PLPP4: variants seen among roughly 807,000 people sequenced by gnomAD.
The protein encoded by PLPP4 is diacylglycerol pyrophosphate like 2.
Under a neutral mutation model 32.2 loss-of-function variants are expected in PLPP4, and 20 were observed. The ratio of observed to expected loss-of-function variants is 0.62; its 90% CI spans 0.44 to 0.90. The LOEUF (loss-of-function observed/expected upper bound fraction) is 0.90. Ranked by LOEUF, PLPP4 falls within the 40% of genes least tolerant of loss-of-function variation. The probability of loss-of-function intolerance (pLI) is 0.00; values close to 1 mark genes in which losing one functional copy is unlikely to be tolerated. For synonymous variants in PLPP4, 127 were observed against 133.0 expected, an observed-to-expected ratio of 0.95 and a Z score of 0.31; for missense variants, 257 against 353.1, an observed-to-expected ratio of 0.73 and a Z score of 2.18.
chr10:120,571,832 C>G (rs1848955232), intron 5 of PLPP4, among the ~76,000 whole-genome samples: 1 of 152,182 alleles, frequency 6.6e-6, no homozygotes, highest in Non-Finnish European at 1.5e-5. Context: ...CAGACATGCC[C>G]TTGGGCCAGA....
intron 1 of PLPP4, among the ~76,000 whole-genome samples, chr10:120,474,933 G>A (rs1027569469): frequency 5.9e-5 from 9 of 152,220 alleles, no homozygotes; most frequent in Admixed American, 2.0e-4. Flanking sequence ...TTCACCCAGC[G>A]TCACATTGTT....
intron 1 of PLPP4, among the ~76,000 whole-genome samples, chr10:120,480,094 A>G (rs2133814466): frequency 6.6e-6 from 1 of 152,262 alleles, no homozygotes; most frequent in South Asian, 2.1e-4. Context: ...GAGTGTCTGG[A>G]CAGCTGCAGG....
At chr10:120,574,558 AACTC>A (rs1849122911) in intron 5 of PLPP4, among the ~76,000 whole-genome samples, 1 of 152,126 alleles carries the variant, frequency 6.6e-6, no homozygotes, top group Non-Finnish European at 1.5e-5. Flanking sequence ...TTCTCCATCA[AACTC>A]ACTCTTTTGT....
intron 5 of PLPP4, among the ~76,000 whole-genome samples, chr10:120,569,812 C>T (rs962561993): frequency 6.6e-6 from 1 of 152,190 alleles, no homozygotes; most frequent in Non-Finnish European, 1.5e-5. Context: ...ATATCGGGTG[C>T]CTCCTATTGT....
In PLPP4 at chr10:120,479,878, G is replaced by C. The variant is rs191234157; in HGVS notation, c.56+22517G>C. 3.5e-3 allele frequency among the ~76,000 whole-genome samples: 527 copies of C among 152,264 alleles called. 3 individuals are homozygous for C. Among genetic ancestry groups the C allele is most frequent in the African/African-American group, 0.012 (498 of 41,544 alleles). On this transcript the variant is annotated intron_variant, in intron 1 of 6. Coordinates refer to ENST00000398250, the MANE Select transcript of PLPP4 (RefSeq NM_001030059.3). Reference sequence around the variant, plus strand: ...GGTCCTTTTCCATGAAATAACTGGAGGTTGTAATTATTTTGGTTTGTTTCT... The same window carrying C: ...GGTCCTTTTCCATGAAATAACTGGACGTTGTAATTATTTTGGTTTGTTTCT...
At chr10:120,536,517 T>G (rs1365808528) in intron 5 of PLPP4, among the ~76,000 whole-genome samples, 2 of 152,026 alleles carry the variant, frequency 1.3e-5, no homozygotes, top group East Asian at 3.9e-4. Context: ...GTCCTTATCT[T>G]ATATCATACA....
intron 5 of PLPP4, among the ~76,000 whole-genome samples, chr10:120,546,305 C>G (rs1219597747): frequency 2.0e-5 from 3 of 152,116 alleles, no homozygotes; most frequent in Admixed American, 6.5e-5. Flanking sequence ...GGAAAATGGA[C>G]CTGCATTCTA....
At chr10:120,472,679 A>G (rs1323780580) in intron 1 of PLPP4, among the ~76,000 whole-genome samples, 1 of 151,974 alleles carries the variant, frequency 6.6e-6, no homozygotes, top group Non-Finnish European at 1.5e-5. Context: ...CTTCTACCCA[A>G]TTCTGTTGCT....
chr10:120,478,665 G>A (rs896121314), intron 1 of PLPP4, among the ~76,000 whole-genome samples: 8 of 152,280 alleles, frequency 5.3e-5, no homozygotes, highest in African/African-American at 1.9e-4. Flanking sequence ...TGTCTCATCT[G>A]GAATAACATT....
chr10:120,502,258 A>C (rs1453522342), intron 1 of PLPP4, among the ~76,000 whole-genome samples: 1 of 152,194 alleles, frequency 6.6e-6, no homozygotes, highest in Non-Finnish European at 1.5e-5. Flanking sequence ...TGAGCAGAAC[A>C]GTCATGGGTA....
At position 120,567,996 on chromosome 10, in the gene PLPP4, G is replaced by A. The variant is rs116095319; in HGVS notation, c.446-7135G>A. Among the ~76,000 whole-genome samples the A allele has an allele frequency of 5.7e-3, 868 of 152,290 alleles. 9 individuals carry two copies. Among genetic ancestry groups the A allele is most frequent in the African/African-American group, 0.02 (823 of 41,562 alleles). On this transcript the variant is annotated intron_variant, in intron 5 of 6. Coordinates refer to ENST00000398250, the MANE Select transcript of PLPP4 (RefSeq NM_001030059.3). Reference sequence around the variant, plus strand: ...TATTGCAAGAAAAACTAGAACATGAGGAAATCTTGGAAAGCCACCTCATCA... The same window carrying A: ...TATTGCAAGAAAAACTAGAACATGAAGAAATCTTGGAAAGCCACCTCATCA...
At chr10:120,577,670 A>C (rs1849282419) in intron 6 of PLPP4, among the ~76,000 whole-genome samples, 1 of 152,192 alleles carries the variant, frequency 6.6e-6, no homozygotes, top group Admixed American at 6.5e-5. Flanking sequence ...TCAAACAAAA[A>C]CTGCGTCATG....
chr10:120,583,414 G>A (rs1438706751), intron 6 of PLPP4, among the ~76,000 whole-genome samples: 1 of 151,832 alleles, frequency 6.6e-6, no homozygotes, highest in Non-Finnish European at 1.5e-5. Context: ...TGGCTCATCT[G>A]GTGTCAATTC....
rs140264161 is a variant in PLPP4, at chr10:120,547,430, G to A, written c.445+26335G>A. ...ATTTTTGAAGTGGACGTTGAAAATTGTGTATGTGTTTTAAAAATTGATATT... is the reference window on the plus strand; with the variant it reads ...ATTTTTGAAGTGGACGTTGAAAATTATGTATGTGTTTTAAAAATTGATATT... On this transcript the variant is annotated intron_variant, in intron 5 of 6. Coordinates refer to ENST00000398250, the MANE Select transcript of PLPP4 (RefSeq NM_001030059.3). Among the ~76,000 whole-genome samples the A allele has an allele frequency of 6.4e-3, 971 of 152,262 alleles. 10 individuals are homozygous for A. The highest frequency in any genetic ancestry group is 0.022 in the African/African-American group (933 of 41,554).
chr10:120,462,002 A>G (rs1848071986), intron 1 of PLPP4, among the ~76,000 whole-genome samples: 1 of 152,298 alleles, frequency 6.6e-6, no homozygotes, highest in East Asian at 1.9e-4. Flanking sequence ...ACTACCTCTA[A>G]GAGCCCAGTG....
upstream of PLPP4, chr10:120,457,214 C>G (rs1405874182): frequency 8.8e-6 from 9 of 1,026,082 alleles, no homozygotes; most frequent in African/African-American, 3.4e-5. Flanking sequence ...GCGCCTCCCT[C>G]GCCTCCCAGG....
chr10:120,477,086 A>G (rs942060885), intron 1 of PLPP4, among the ~76,000 whole-genome samples: 1 of 152,184 alleles, frequency 6.6e-6, no homozygotes, highest in Non-Finnish European at 1.5e-5. Context: ...GTTGGAAAAC[A>G]GTGTCTGCCT....
chr10:120,497,524 T>C (rs1366550579), intron 1 of PLPP4, among the ~76,000 whole-genome samples: 1 of 152,152 alleles, frequency 6.6e-6, no homozygotes, highest in Admixed American at 6.6e-5. Flanking sequence ...TTTAAACATC[T>C]GAACCACACA....
chr10:120,501,368 C>A (rs55675926), intron 1 of PLPP4, among the ~76,000 whole-genome samples: 21,936 of 152,014 alleles, frequency 0.14, 2,021 homozygotes, highest in Middle Eastern at 0.25. Context: ...AAACAAAGAC[C>A]GAAAACTGTC....
Sources: gnomAD v4.1 joint callset for allele counts (sites outside exome capture counted in the v4.1 genomes callset) on GRCh38, gnomAD v4.1.1 for gene constraint, MANE v1.5 for transcripts, NCBI Gene and HGNC (gene_info 2026-07-23, HGNC 2026-07-21) for gene names.